The following ARMH4 variants were observed in gnomAD, a reference collection of about 807,000 sequenced individuals.
The protein encoded by ARMH4 is armadillo like helical domain containing 4.
A neutral mutation model predicts 61.9 loss-of-function variants in ARMH4; 49 were observed. The ratio of observed to expected loss-of-function variants is 0.79; its 90% CI spans 0.63 to 1.00. ARMH4 has a LOEUF of 1.00. ARMH4 is among the 50% of genes least tolerant of loss of function. ARMH4 has a pLI of 0.00. For missense variants in ARMH4, 934 were observed against 930.0 expected (o/e 1.00, Z -0.06); for synonymous variants, 368 against 341.5 (o/e 1.08, Z -0.85).
At chr14:58,112,565 T>C (rs1347867746) in intron 4 of ARMH4, among the ~76,000 whole-genome samples, 1 of 152,188 alleles carries the variant, frequency 6.6e-6, no homozygotes, top group East Asian at 1.9e-4. Context: ...TTATATTTTA[T>C]ACAGAGTGCT....
rs1356785895 is a variant in ARMH4, at chr14:58,004,287, G to A, written c.*449C>T. The A allele has an allele frequency of 6.5e-6, 1 of 154,470 alleles. No individual in the cohort carries two copies. Among genetic ancestry groups the A allele is most frequent in the Admixed American group, 6.4e-5 (1 of 15,696 alleles). The allele number at this position is 154,470 out of a possible 1,614,324, so 9.6% of individuals were successfully genotyped here. A position where few individuals can be genotyped will look rare whatever the true frequency, so the allele number is the denominator to read the frequency against. On this transcript the variant is annotated 3_prime_UTR_variant, in exon 8 of 8. Transcript: ENST00000267485. The stretch of plus-strand genomic sequence containing the variant: ...TATGTACCATGGCCCACAACCCTGT[G>A]GTTTCAAGTAGGTAGAGTATATCTT...
chr14:58,025,200 T>C (rs1882981561), intron 5 of ARMH4, among the ~76,000 whole-genome samples: 1 of 152,146 alleles, frequency 6.6e-6, no homozygotes, highest in Non-Finnish European at 1.5e-5. Flanking sequence ...GAATGAGGCA[T>C]ATAAGGAAGG....
intron 5 of ARMH4, among the ~76,000 whole-genome samples, chr14:58,022,709 A>C (rs1882884176): frequency 6.6e-6 from 1 of 152,104 alleles, no homozygotes; most frequent in Non-Finnish European, 1.5e-5. Context: ...TTTTAGGGAG[A>C]GCTCAAACTA....
intron 4 of ARMH4, among the ~76,000 whole-genome samples, chr14:58,111,058 T>A (rs548607809): frequency 1.3e-5 from 2 of 152,278 alleles, no homozygotes; most frequent in African/African-American, 4.8e-5. Flanking sequence ...CCAGCCAGGA[T>A]TTTTTTAATG....
chr14:58,018,416 C>A (rs1882694806), intron 5 of ARMH4, among the ~76,000 whole-genome samples: 1 of 149,674 alleles, frequency 6.7e-6, no homozygotes, highest in Non-Finnish European at 1.5e-5. Flanking sequence ...TGAACTCATA[C>A]AACTGAATAG....
chr14:58,133,450 G>A (rs1249759978), intron 2 of ARMH4, 109 bp from the exon 3 acceptor site: 13 of 1,015,368 alleles, frequency 1.3e-5, no homozygotes, highest in Non-Finnish European at 1.7e-5. Flanking sequence ...TGCTATTTCA[G>A]GAACTGGGGA....
intron 5 of ARMH4, among the ~76,000 whole-genome samples, chr14:58,055,322 G>A (rs1388155729): frequency 2.0e-5 from 3 of 152,146 alleles, no homozygotes; most frequent in Non-Finnish European, 2.9e-5. Context: ...TACTCACCAC[G>A]TGGAATGAAA....
Position 58,148,378 on chromosome 14 carries a change from C to T in ARMH4, c.-57+3697G>A, listed in dbSNP as rs530255956. Among the ~76,000 whole-genome samples, 12 of 152,290 alleles carry T rather than the reference C, an allele frequency of 7.9e-5. No homozygotes were observed. In the East Asian group the frequency reaches 1.9e-3, roughly 25 times the overall value. ...CCCAAGTTTTGAGAATGACACTGTA[C>T]GACCCATGGTTCCCTACCCAGGTAT... On this transcript the variant is annotated intron_variant, in intron 1 of 7. Transcript: ENST00000267485.
intron 4 of ARMH4, among the ~76,000 whole-genome samples, chr14:58,106,850 A>C (rs960217275): frequency 2.0e-5 from 3 of 151,554 alleles, no homozygotes; most frequent in African/African-American, 7.3e-5. Context: ...GCAGAGGCTT[A>C]AATGAGCTTG....
At chr14:58,102,577 C>T (rs1443405922) in intron 4 of ARMH4, among the ~76,000 whole-genome samples, 3 of 150,268 alleles carry the variant, frequency 2.0e-5, no homozygotes, top group South Asian at 4.3e-4. Flanking sequence ...TTTGGGAGGC[C>T]GAGGCGGGTG....
At chr14:58,122,288 A>C (rs1326442335) in intron 4 of ARMH4, among the ~76,000 whole-genome samples, 1 of 152,200 alleles carries the variant, frequency 6.6e-6, no homozygotes, top group Non-Finnish European at 1.5e-5. Flanking sequence ...GATTTTGCTA[A>C]CTTGCGTGCT....
intron 5 of ARMH4, among the ~76,000 whole-genome samples, chr14:58,045,632 G>A (rs1040798793): frequency 2.0e-5 from 3 of 151,272 alleles, no homozygotes; most frequent in South Asian, 2.1e-4. Flanking sequence ...AAAGAAACAC[G>A]GTCTTGTGAG....
At chr14:58,022,257 C>T (rs10130673) in intron 5 of ARMH4, among the ~76,000 whole-genome samples, 2,562 of 152,238 alleles carry the variant, frequency 0.017, 80 homozygotes, top group African/African-American at 0.056. Context: ...CGCCACTCTC[C>T]AAGCTCTGCC....
intron 4 of ARMH4, among the ~76,000 whole-genome samples, chr14:58,112,662 T>C (rs1886393401): frequency 6.6e-6 from 1 of 152,236 alleles, no homozygotes; most frequent in Non-Finnish European, 1.5e-5. Context: ...TCTTTCTTCT[T>C]CTCTAAATGC....
chr14:58,072,445 A>G (rs1884910369), intron 5 of ARMH4, among the ~76,000 whole-genome samples: 1 of 152,160 alleles, frequency 6.6e-6, no homozygotes, highest in Non-Finnish European at 1.5e-5. Context: ...TGGGCCGGGC[A>G]CGGTGGCTTA....
intron 5 of ARMH4, among the ~76,000 whole-genome samples, chr14:58,020,286 T>C (rs1882774211): frequency 6.6e-6 from 1 of 152,006 alleles, no homozygotes; most frequent in Non-Finnish European, 1.5e-5. Flanking sequence ...TCACGGGGCT[T>C]TCCTGAGTTC....
intron 5 of ARMH4, among the ~76,000 whole-genome samples, chr14:58,086,724 TC>T (rs1885396853): frequency 6.6e-6 from 1 of 151,990 alleles, no homozygotes; most frequent in Non-Finnish European, 1.5e-5. Context: ...GTTCTGAGGT[TC>T]CCCAAAAAAA....
At chr14:58,076,816 C>A (rs1470765090) in intron 5 of ARMH4, among the ~76,000 whole-genome samples, 4 of 152,134 alleles carry the variant, frequency 2.6e-5, no homozygotes, top group African/African-American at 9.7e-5. Context: ...CTTGAGTGTT[C>A]ATGAGCTATT....
chr14:58,042,832 C>G (rs567906244), intron 5 of ARMH4, among the ~76,000 whole-genome samples: 42 of 152,264 alleles, frequency 2.8e-4, no homozygotes, highest in African/African-American at 1.0e-3. Context: ...CACAAATAAA[C>G]TAGAAAATCT....
Sources: allele counts gnomAD v4.1 joint callset (sites outside exome capture counted in the v4.1 genomes callset), GRCh38; gene constraint gnomAD v4.1.1; transcripts MANE v1.5; gene names NCBI Gene and HGNC (gene_info 2026-07-23, HGNC 2026-07-21).